EIF4ENIF1: variants seen among roughly 807,000 people sequenced by gnomAD.
EIF4ENIF1 encodes the protein eukaryotic translation initiation factor 4E transporter.
In EIF4ENIF1, 23 loss-of-function variants were observed where a neutral mutation model predicts 110.5. The ratio of observed to expected loss-of-function variants is 0.21; its 90% CI spans 0.15 to 0.29. The LOEUF (loss-of-function observed/expected upper bound fraction) is 0.29, where lower values mean the gene tolerates loss of function less well. EIF4ENIF1 is among the 10% of genes least tolerant of loss of function. The probability of loss-of-function intolerance (pLI) is 1.00; values close to 1 mark genes in which losing one functional copy is unlikely to be tolerated. For synonymous variants in EIF4ENIF1, 440 were observed against 437.0 expected, an observed-to-expected ratio of 1.01 and a Z score of -0.09; for missense variants, 1,031 against 1,221.1, an observed-to-expected ratio of 0.84 and a Z score of 2.32.
chr22:31,483,241 T>C (rs1420849091), intron 2 of EIF4ENIF1, among the ~76,000 whole-genome samples: 2 of 91,618 alleles, frequency 2.2e-5, no homozygotes, highest in Non-Finnish European at 4.5e-5. Context: ...TGAGACAGGG[T>C]CTCTTTTTGT....
intron 2 of EIF4ENIF1, among the ~76,000 whole-genome samples, chr22:31,478,820 C>A (rs62236226): frequency 6.6e-6 from 1 of 151,630 alleles, no homozygotes; most frequent in Admixed American, 6.6e-5. Flanking sequence ...GGCGTGGTGG[C>A]AGGTGCCTGT....
intron 4 of EIF4ENIF1, among the ~76,000 whole-genome samples, chr22:31,465,871 G>A (rs956734813): frequency 3.3e-5 from 5 of 152,140 alleles, no homozygotes; most frequent in African/African-American, 9.7e-5. Flanking sequence ...TGGATAAATC[G>A]TAACTATTCT....
At chr22:31,460,672 C>T (rs953032631) in intron 6 of EIF4ENIF1, among the ~76,000 whole-genome samples, 3 of 149,904 alleles carry the variant, frequency 2.0e-5, no homozygotes, top group Non-Finnish European at 3.0e-5. Flanking sequence ...AGAGGACTGG[C>T]GCAGTGGCTC....
chr22:31,470,082 T>C (rs951789616), intron 3 of EIF4ENIF1, among the ~76,000 whole-genome samples: 7 of 146,402 alleles, frequency 4.8e-5, no homozygotes, highest in Non-Finnish European at 7.5e-5. Context: ...GAGAATCGCT[T>C]GAACCCGGGA....
At position 31,458,530 on chromosome 22, in the gene EIF4ENIF1, C is replaced by A. The variant is rs1364499831; in HGVS notation, c.908G>T (p.Gly303Val). Reference sequence around the variant, plus strand: ...AAAGAACTCATTAAAGTCAAAGTCTCCTGGGGACTGCTCAGGCAAGACAGC... The same window carrying A: ...AAAGAACTCATTAAAGTCAAAGTCTACTGGGGACTGCTCAGGCAAGACAGC... ...RDAVLPEQSP[G>V]DFDFNEFFNL... The change falls in exon 7 of 19, where the codon GGA becomes GTA. Residue 303 changes from glycine to valine, a missense_variant. This residue lies in a region of EIF4ENIF1 where 704 missense variants were observed against 879.7 expected (regional missense o/e 0.80). Coordinates refer to ENST00000330125, the MANE Select transcript of EIF4ENIF1 (RefSeq NM_019843.4). The A allele has an allele frequency of 6.2e-7, 1 of 1,613,290 alleles. No homozygotes were observed. Among genetic ancestry groups the A allele is most frequent in the African/African-American group, 1.3e-5 (1 of 74,938 alleles).
chr22:31,463,143 T>A lies in EIF4ENIF1; in HGVS notation c.586-10A>T. 1 of 1,609,996 alleles carries A rather than the reference T, an allele frequency of 6.2e-7. No individual in the cohort carries two copies. The highest frequency in any genetic ancestry group is 8.5e-7 in the Non-Finnish European group (1 of 1,178,860). On this transcript the variant is annotated splice_polypyrimidine_tract_variant and intron_variant, in intron 5 of 18. Transcript: ENST00000330125. ...TATCTCCAAACTCTCTCTGGAAAAG[T>A]ACATAAAGCAAGATTAAAAAATTTC... is the stretch of plus-strand genomic sequence containing the variant.
intron 2 of EIF4ENIF1, among the ~76,000 whole-genome samples, chr22:31,477,464 C>T (rs1310765889): frequency 6.6e-6 from 1 of 151,216 alleles, no homozygotes; most frequent in East Asian, 1.9e-4. Context: ...AGAGTTATTG[C>T]TCTAATCACA....
At chr22:31,473,481 A>C (rs4820974) in intron 2 of EIF4ENIF1, among the ~76,000 whole-genome samples, 63,874 of 152,054 alleles carry the variant, frequency 0.42, 13,930 homozygotes, top group Middle Eastern at 0.56. Context: ...GTCTAGAATC[A>C]GATATTTGAT....
At chr22:31,480,083 A>T (rs2051754723) in intron 2 of EIF4ENIF1, among the ~76,000 whole-genome samples, 1 of 152,164 alleles carries the variant, frequency 6.6e-6, no homozygotes, top group Admixed American at 6.6e-5. Flanking sequence ...GGCGAATATA[A>T]GAGTTAATAC....
intron 16 of EIF4ENIF1, 36 bp from the exon 17 acceptor site, chr22:31,442,154 C>G (rs1211253667): frequency 1.3e-6 from 2 of 1,506,306 alleles, no homozygotes; most frequent in Non-Finnish European, 1.8e-6. Context: ...TTTGGCAAAC[C>G]TCTCCCAAAC....
intron 2 of EIF4ENIF1, among the ~76,000 whole-genome samples, chr22:31,475,588 C>T (rs2051541150): frequency 6.6e-6 from 1 of 151,962 alleles, no homozygotes; most frequent in African/African-American, 2.4e-5. Context: ...CCTGTCTCTA[C>T]TAAAAATATA....
intron 3 of EIF4ENIF1, among the ~76,000 whole-genome samples, chr22:31,470,158 C>T (rs1386994283): frequency 2.0e-5 from 2 of 101,426 alleles, no homozygotes; most frequent in South Asian, 7.3e-4. Flanking sequence ...GAGCGAAACT[C>T]CACCTCAAAA....
At chr22:31,470,035 G>A (rs1022110581) in intron 3 of EIF4ENIF1, among the ~76,000 whole-genome samples, 4 of 151,432 alleles carry the variant, frequency 2.6e-5, no homozygotes, top group Non-Finnish European at 5.9e-5. Context: ...GTGGTGGTGG[G>A]TGCCTGTAAT....
At position 31,463,873 on chromosome 22, in the gene EIF4ENIF1, A is replaced by G. The variant is rs5753627; in HGVS notation, c.393T>C (p.Val131=). ...FGGGCHVTAA[V]SSRRSGSPLE... is the part of the protein sequence containing the mutation. The stretch of plus-strand genomic sequence containing the variant: ...ATGGACTTCCTGAGCGCCGGGAGCT[A>G]ACAGCGGCTGTCACGTGGCAGCCCC... Residue 131 remains valine (V), a synonymous_variant, in exon 5 of 19, where the codon GTT becomes GTC. Transcript: ENST00000330125. 146,142 of 1,614,054 alleles carry G rather than the reference A, an allele frequency of 0.091. 9,060 individuals are homozygous for G. Among genetic ancestry groups the G allele is most frequent in the East Asian group, 0.3 (13,303 of 44,850 alleles).
At chr22:31,437,452 C>G (rs998845806), downstream of EIF4ENIF1, 4 of 114,472 alleles carry the variant, frequency 3.5e-5, no homozygotes, top group African/African-American at 1.0e-4. Flanking sequence ...TGCCTTCATC[C>G]CCCCCCCACC....
intron 7 of EIF4ENIF1, among the ~76,000 whole-genome samples, chr22:31,456,287 G>T (rs561004650): frequency 2.8e-5 from 4 of 145,304 alleles, no homozygotes; most frequent in Middle Eastern, 3.7e-3. Context: ...GCAGTGGCAC[G>T]ATCTCGGCTC....
rs745487444 is a variant in EIF4ENIF1, at chr22:31,441,999, G to A, written c.2326C>T (p.Arg776Cys). The A allele has an allele frequency of 7.4e-6, 12 of 1,614,034 alleles. No homozygotes were observed. The highest frequency in any genetic ancestry group is 5.3e-5 in the African/African-American group (4 of 74,884). The change falls in exon 17 of 19, where the codon CGT becomes TGT. Residue 776 changes from arginine (R) to cysteine (C), a missense_variant. Arg to Cys is a radical substitution (Grantham distance 180). Around this residue, in one of 3 missense-constraint regions of EIF4ENIF1, gnomAD observed 309 missense variants for 299.1 expected, o/e 1.03. Transcript: ENST00000330125. Reference protein sequence around the residue: ...SCSTPLSQANRYTKEQDYRPK... With the variant: ...SCSTPLSQANCYTKEQDYRPK... ...CGATAATCTTGTTCTTTGGTGTAAC[G>A]GTTGGCCTGGGACAGTGGGGTGGAA...
chr22:31,490,801 G>A (rs1460669777), upstream of EIF4ENIF1, among the ~76,000 whole-genome samples: 1 of 152,190 alleles, frequency 6.6e-6, no homozygotes, highest in Non-Finnish European at 1.5e-5. Flanking sequence ...GCGTTGGTGT[G>A]AAGCGATACA....
downstream of EIF4ENIF1, among the ~76,000 whole-genome samples, chr22:31,439,194 C>CATCT (rs2050220625): frequency 6.6e-6 from 1 of 152,142 alleles, no homozygotes; most frequent in African/African-American, 2.4e-5. Context: ...CCTGTAGTTC[C>CATCT]ATCTACTTGG....
Sources: allele counts gnomAD v4.1 joint callset (sites outside exome capture counted in the v4.1 genomes callset), GRCh38; gene constraint gnomAD v4.1.1; regional missense constraint gnomAD v4.1.1; transcripts MANE v1.5; gene names NCBI Gene and HGNC (gene_info 2026-07-23, HGNC 2026-07-21).